Variants in RGL1 observed in about 807,000 individuals in gnomAD.
RGL1 encodes ral guanine nucleotide dissociation stimulator-like 1.
Under a neutral mutation model 95.2 loss-of-function variants are expected in RGL1, and 24 were observed. The observed-to-expected ratio is 0.25, with a 90% confidence interval of 0.18 to 0.35. The LOEUF is 0.35. Among genes scored for constraint, RGL1 ranks in the 10% least tolerant of loss-of-function variants. The pLI, the probability that RGL1 is intolerant of heterozygous loss-of-function variation, is 1.00. For synonymous variants in RGL1, 329 were observed against 344.9 expected (o/e 0.95, Z 0.51); for missense variants, 715 against 936.3 (o/e 0.76, Z 3.08).
intron 2 of RGL1, among the ~76,000 whole-genome samples, chr1:183,847,071 C>T (rs897629243): frequency 4.6e-5 from 7 of 152,202 alleles, no homozygotes; most frequent in East Asian, 1.9e-4. Flanking sequence ...GTAGGAAACA[C>T]GCATACCTCC....
chr1:183,757,382 T>C (rs925772293), intron 2 of RGL1, among the ~76,000 whole-genome samples: 1 of 152,188 alleles, frequency 6.6e-6, no homozygotes, highest in Non-Finnish European at 1.5e-5. Context: ...AGTGGGAGTG[T>C]ATTGTATTAA....
intron 2 of RGL1, among the ~76,000 whole-genome samples, chr1:183,793,973 A>G (rs1030766938): frequency 2.6e-5 from 4 of 152,196 alleles, no homozygotes; most frequent in Admixed American, 2.6e-4. Flanking sequence ...ACCTCCATGT[A>G]TATTTCAGCA....
At chr1:183,658,998 TG>T (rs1651407088) in intron 1 of RGL1, among the ~76,000 whole-genome samples, 1 of 152,028 alleles carries the variant, frequency 6.6e-6, no homozygotes, top group South Asian at 2.1e-4. Flanking sequence ...CTGAGGGTCC[TG>T]TCTGTTAGAA....
chr1:183,761,939 A>G (rs1658685840), intron 2 of RGL1, among the ~76,000 whole-genome samples: 1 of 152,192 alleles, frequency 6.6e-6, no homozygotes, highest in Non-Finnish European at 1.5e-5. Flanking sequence ...GCAAGCTTCA[A>G]ACTTTTCTTC....
rs41263652 is a variant in RGL1, at chr1:183,880,605, G to C, written c.426-11G>C. 168,629 of 1,612,062 alleles carry C rather than the reference G, an allele frequency of 0.1. 9,369 individuals are homozygous for C. Among genetic ancestry groups the C allele is most frequent in the Middle Eastern group, 0.17 (975 of 5,578 alleles). On this transcript the variant is annotated splice_polypyrimidine_tract_variant and intron_variant, in intron 4 of 17. Transcript: ENST00000360851. ...AGTTGGGTGCAGTGACTCTCCATTT[G>C]TCTTTCTCAGTGCAATCGCTTCCAT...
At chr1:183,843,806 G>A (rs1165670185) in intron 2 of RGL1, among the ~76,000 whole-genome samples, 1 of 145,580 alleles carries the variant, frequency 6.9e-6, no homozygotes, top group African/African-American at 2.6e-5. Flanking sequence ...ATTTAACATT[G>A]AAGTATATTT....
At chr1:183,853,851 C>G (rs773729327) in intron 3 of RGL1, among the ~76,000 whole-genome samples, 10 of 151,808 alleles carry the variant, frequency 6.6e-5, no homozygotes, top group Non-Finnish European at 1.3e-4. Flanking sequence ...TTTGGGAATC[C>G]TTTTTAGCCA....
intron 2 of RGL1, among the ~76,000 whole-genome samples, chr1:183,832,708 C>T (rs894106679): frequency 6.6e-6 from 1 of 152,140 alleles, no homozygotes; most frequent in Non-Finnish European, 1.5e-5. Context: ...GCTGTGTGAC[C>T]TGGAATGAGT....
At chr1:183,859,611 C>A (rs1475064459) in intron 3 of RGL1, among the ~76,000 whole-genome samples, 1 of 152,120 alleles carries the variant, frequency 6.6e-6, no homozygotes, top group Admixed American at 6.5e-5. Flanking sequence ...TCCTTCACAG[C>A]AAAGGCCTAG....
rs115281828 is a variant in RGL1 at position 183,908,422 on chromosome 1, C to T, written c.1562+1321C>T. Among the ~76,000 whole-genome samples the T allele has an allele frequency of 8.2e-3, 1,250 of 152,288 alleles. 17 individuals are homozygous for T. The highest frequency in any genetic ancestry group is 0.029 in the African/African-American group (1,191 of 41,550). ...GGCATTGTGGGTGGGTTGGAACATG[C>T]GCTTTAGTAGAAAGCATCTGGAAGA... On this transcript the variant is annotated intron_variant, in intron 14 of 17. Coordinates refer to ENST00000360851, the MANE Select transcript of RGL1 (RefSeq NM_001297671.3).
intron 2 of RGL1, among the ~76,000 whole-genome samples, chr1:183,808,908 G>A (rs922076136): frequency 6.6e-6 from 1 of 152,178 alleles, no homozygotes; most frequent in African/African-American, 2.4e-5. Context: ...CCTTAAGGCT[G>A]TTTCCATAGT....
intron 2 of RGL1, among the ~76,000 whole-genome samples, chr1:183,776,634 C>T (rs893794772): frequency 6.6e-6 from 1 of 152,012 alleles, no homozygotes; most frequent in African/African-American, 2.4e-5. Flanking sequence ...GGGATGGAGG[C>T]GGGGAGTGTC....
intron 4 of RGL1, among the ~76,000 whole-genome samples, chr1:183,873,422 A>G (rs1212860566): frequency 6.6e-6 from 1 of 152,186 alleles, no homozygotes; most frequent in African/African-American, 2.4e-5. Flanking sequence ...CTCACTTTAT[A>G]GGATATAAAG....
chr1:183,923,553 G>A (rs1184902806), intron 17 of RGL1, among the ~76,000 whole-genome samples: 1 of 152,144 alleles, frequency 6.6e-6, no homozygotes, highest in Non-Finnish European at 1.5e-5. Flanking sequence ...GAGTCTCGAG[G>A]GGTAGCCAGG....
rs1170226472 is a variant in RGL1 at position 183,891,371 on chromosome 1, A to G, written c.1056-706A>G. The stretch of plus-strand genomic sequence containing the variant: ...GAGGGGCAGAGCAGATGCTTTGCAT[A>G]TGTGGTTTCACTCACTGTCCCAGCA... On this transcript the variant is annotated intron_variant, in intron 8 of 17. Transcript: ENST00000360851. Among the ~76,000 whole-genome samples the G allele has an allele frequency of 2.6e-5, 4 of 152,256 alleles. No individual in the cohort carries two copies. In the East Asian group the frequency reaches 5.8e-4, roughly 22 times the overall value.
chr1:183,863,116 A>G (rs1022414932), intron 3 of RGL1, among the ~76,000 whole-genome samples: 1 of 152,040 alleles, frequency 6.6e-6, no homozygotes, highest in Non-Finnish European at 1.5e-5. Flanking sequence ...AGGCAGGAGG[A>G]TGCCCAGTGT....
chr1:183,658,658 A>C (rs1651375121), intron 1 of RGL1, among the ~76,000 whole-genome samples: 2 of 152,010 alleles, frequency 1.3e-5, no homozygotes, highest in Non-Finnish European at 2.9e-5. Flanking sequence ...AGACAGCAGT[A>C]ACCTCTGCAG....
At chr1:183,880,372 A>C (rs1230395599) in intron 4 of RGL1, among the ~76,000 whole-genome samples, 1 of 122,308 alleles carries the variant, frequency 8.2e-6, no homozygotes, top group African/African-American at 3.0e-5. Context: ...CCTTAAAACA[A>C]ACAAACAACA....
At chr1:183,655,323 G>A (rs926397069) in intron 1 of RGL1, among the ~76,000 whole-genome samples, 1 of 152,166 alleles carries the variant, frequency 6.6e-6, no homozygotes, top group Non-Finnish European at 1.5e-5. Flanking sequence ...TCTTTGGGTG[G>A]CAGGAAGTAA....
Sources: gnomAD v4.1 joint callset for allele counts (sites outside exome capture counted in the v4.1 genomes callset) on GRCh38, gnomAD v4.1.1 for gene constraint, MANE v1.5 for transcripts, NCBI Gene and HGNC (gene_info 2026-07-23, HGNC 2026-07-21) for gene names.